The following FNBP1 variants were observed in gnomAD, a reference collection of about 807,000 sequenced individuals.
FNBP1 encodes formin-binding protein 1.
A neutral mutation model predicts 90.6 loss-of-function variants in FNBP1; 26 were observed. That is an observed-to-expected ratio of 0.29 (90% CI 0.21 to 0.40). The LOEUF is 0.40. Ranked by LOEUF, FNBP1 falls within the 10% of genes least tolerant of loss-of-function variation. FNBP1 has a pLI of 1.00. For synonymous variants in FNBP1, 260 were observed against 265.2 expected, an observed-to-expected ratio of 0.98 and a Z score of 0.19; for missense variants, 635 against 768.0, an observed-to-expected ratio of 0.83 and a Z score of 2.05.
intron 2 of FNBP1, among the ~76,000 whole-genome samples, chr9:129,991,474 T>C (rs1435920410): frequency 6.6e-6 from 1 of 151,554 alleles, no homozygotes; most frequent in Non-Finnish European, 1.5e-5. Context: ...GGTCTCGCTA[T>C]GTTGCTCAGG....
chr9:130,011,269 A>T (rs10988571), intron 1 of FNBP1, among the ~76,000 whole-genome samples: 12,443 of 33,854 alleles, frequency 0.37, 1,858 homozygotes, highest in Middle Eastern at 0.43. Flanking sequence ...TATATATATA[A>T]AATATATATA....
chr9:130,000,463 C>A (rs1338787128), intron 1 of FNBP1, among the ~76,000 whole-genome samples: 1 of 151,962 alleles, frequency 6.6e-6, no homozygotes, highest in Non-Finnish European at 1.5e-5. Context: ...TACGCCACAG[C>A]ACTCTAGCCT....
intron 4 of FNBP1, among the ~76,000 whole-genome samples, chr9:129,965,689 C>CACAGACACACACGCGCGCGCACAG (rs5900876): frequency 6.7e-6 from 1 of 149,990 alleles, no homozygotes; most frequent in Non-Finnish European, 1.5e-5. Context: ...TTAAAACACA[C>CACAGACACACACGCGCGCGCACAG]ACACACACGC....
intron 1 of FNBP1, among the ~76,000 whole-genome samples, chr9:130,022,611 A>T (rs773263297): frequency 4.6e-5 from 7 of 152,244 alleles, no homozygotes; most frequent in Non-Finnish European, 8.8e-5. Flanking sequence ...AGTATAGAAC[A>T]TCAACACTTT....
Position 129,889,570 on chromosome 9 carries a change from C to CA in FNBP1, c.*968dup, listed in dbSNP as rs397894225. ...GAACAATAGAGCGAGACTCCCGTCT[C>CA]AAAAAAAAAAAAAAAACAACAACAA... is the stretch of plus-strand genomic sequence containing the variant. On this transcript the variant is annotated 3_prime_UTR_variant, in exon 17 of 17. Coordinates refer to ENST00000446176, the MANE Select transcript of FNBP1 (RefSeq NM_015033.3). 16,181 of 109,736 alleles carry CA rather than the reference C, an allele frequency of 0.15. 511 individuals are homozygous for CA. Among genetic ancestry groups the CA allele is most frequent in the African/African-American group, 0.25 (6,125 of 24,562 alleles). 6.8% of individuals were successfully genotyped at this position (109,736 alleles called of 1,614,324 possible).
intron 2 of FNBP1, among the ~76,000 whole-genome samples, chr9:129,981,876 T>C (rs1429670951): frequency 6.6e-6 from 1 of 152,160 alleles, no homozygotes; most frequent in Admixed American, 6.6e-5. Context: ...TATATAATAG[T>C]TTAAAAGTTA....
chr9:129,948,052 G>A (rs892757186), intron 6 of FNBP1, among the ~76,000 whole-genome samples: 2 of 151,672 alleles, frequency 1.3e-5, no homozygotes, highest in African/African-American at 2.4e-5. Flanking sequence ...ACTTTGTGAA[G>A]CTGAGGCAGG....
At chr9:129,989,520 T>A (rs998085185) in intron 2 of FNBP1, among the ~76,000 whole-genome samples, 1 of 152,204 alleles carries the variant, frequency 6.6e-6, no homozygotes, top group Non-Finnish European at 1.5e-5. Flanking sequence ...CAGGCACTGT[T>A]CTGCACTATG....
At chr9:129,895,520 C>CT (rs202046900) in intron 16 of FNBP1, 200 of 1,189,828 alleles carry the variant, frequency 1.7e-4, no homozygotes, top group East Asian at 4.9e-4. Context: ...TACAATGCAA[C>CT]TTTTTTTTTA....
chr9:130,015,341 C>T (rs2057113836), intron 1 of FNBP1, among the ~76,000 whole-genome samples: 1 of 152,066 alleles, frequency 6.6e-6, no homozygotes, highest in Admixed American at 6.6e-5. Flanking sequence ...ATTTACATTC[C>T]CATGAGGAAA....
At chr9:129,958,404 C>G (rs1228927685) in intron 5 of FNBP1, 87 bp downstream of exon 5, 7 of 1,030,134 alleles carry the variant, frequency 6.8e-6, no homozygotes, top group African/African-American at 1.6e-5. Context: ...TGCACTCCAA[C>G]CTGGGCAACA....
intron 8 of FNBP1, 96 bp downstream of exon 8, chr9:129,927,099 C>A (rs1414964342): frequency 1.5e-5 from 19 of 1,264,186 alleles, no homozygotes; most frequent in Non-Finnish European, 1.1e-6. Context: ...CAACCATCCA[C>A]CATGAGATGA....
chr9:130,014,601 ACTG>A (rs2057029183), intron 1 of FNBP1, among the ~76,000 whole-genome samples: 1 of 152,098 alleles, frequency 6.6e-6, no homozygotes, highest in Non-Finnish European at 1.5e-5. Flanking sequence ...TGTGCATTTT[ACTG>A]CTATTTTTGT....
At chr9:129,986,187 T>C (rs966987921) in intron 2 of FNBP1, among the ~76,000 whole-genome samples, 7 of 151,720 alleles carry the variant, frequency 4.6e-5, no homozygotes, top group African/African-American at 1.5e-4. Flanking sequence ...TGACAGGTAA[T>C]ACAGAAGCAA....
intron 4 of FNBP1, among the ~76,000 whole-genome samples, chr9:129,977,823 A>G (rs1433031956): frequency 6.6e-6 from 1 of 151,728 alleles, no homozygotes; most frequent in Non-Finnish European, 1.5e-5. Flanking sequence ...CATTTATTCC[A>G]CAGAGCATAC....
At chr9:129,924,262 C>G (rs1024614395) in intron 9 of FNBP1, among the ~76,000 whole-genome samples, 1 of 152,164 alleles carries the variant, frequency 6.6e-6, no homozygotes, top group Non-Finnish European at 1.5e-5. Context: ...ACAAGAAGCT[C>G]GTGCAGACTT....
chr9:129,965,729 A>T (rs1344115089), intron 4 of FNBP1, among the ~76,000 whole-genome samples: 6 of 132,392 alleles, frequency 4.5e-5, no homozygotes, highest in African/African-American at 1.7e-4. Flanking sequence ...CACACATAGA[A>T]AGAAAAAGAA....
At chr9:129,962,701 CA>C (rs1432747274) in intron 4 of FNBP1, among the ~76,000 whole-genome samples, 1 of 152,142 alleles carries the variant, frequency 6.6e-6, no homozygotes, top group African/African-American at 2.4e-5. Context: ...TCTGCAAACC[CA>C]GGGGGAGCCC....
At chr9:129,924,706 C>T (rs372409459) in intron 9 of FNBP1, among the ~76,000 whole-genome samples, 2 of 152,116 alleles carry the variant, frequency 1.3e-5, no homozygotes, top group East Asian at 3.9e-4. Context: ...AGGCATGAGG[C>T]GAAACGGTGG....
Sources: allele counts gnomAD v4.1 joint callset (sites outside exome capture counted in the v4.1 genomes callset), GRCh38; gene constraint gnomAD v4.1.1; transcripts MANE v1.5; gene names NCBI Gene and HGNC (gene_info 2026-07-23, HGNC 2026-07-21).